MFSD6: variants seen among roughly 807,000 people sequenced by gnomAD.
MFSD6 encodes the protein major facilitator superfamily domain-containing protein 6.
A neutral mutation model predicts 56.3 loss-of-function variants in MFSD6; 26 were observed. The observed-to-expected ratio is 0.46, with a 90% CI of 0.34 to 0.64. The LOEUF is 0.64. Ranked by LOEUF, MFSD6 falls within the 30% of genes least tolerant of loss-of-function variation. MFSD6 has a pLI of 0.01. For synonymous variants in MFSD6, 331 were observed against 366.9 expected (o/e 0.90, Z 1.12); for missense variants, 750 against 986.2 (o/e 0.76, Z 3.21).
chr2:190,412,662 G>A lies in MFSD6; in HGVS notation c.-175-2630G>A. On this transcript the variant is annotated intron_variant, in intron 1 of 7. Coordinates refer to ENST00000392328, the MANE Select transcript of MFSD6 (RefSeq NM_017694.4). This position sits in a 1 kb window ranked among gnomAD's most constrained non-coding sequence, Gnocchi z 4.1. ...TCCTTTGAGTTTATAATTCCTCCAT[G>A]TTTAATTATCCAACATTAGCTGTCT... 1.0e-6 allele frequency: 1 copy of A among 961,068 alleles called. No individual in the cohort carries two copies. The highest frequency in any genetic ancestry group is 1.8e-5 in the African/African-American group (1 of 56,752). 59.5% of individuals were successfully genotyped at this position (961,068 alleles called of 1,614,324 possible). A position where few individuals can be genotyped will look rare whatever the true frequency, so the allele number is the denominator to read the frequency against.
intron 4 of MFSD6, among the ~76,000 whole-genome samples, chr2:190,475,957 A>G (rs1044610882): frequency 1.4e-4 from 21 of 152,126 alleles, no homozygotes; most frequent in African/African-American, 4.3e-4. Context: ...AACAAGAAAT[A>G]GGGAAAGGAT....
chr2:190,497,744 A>T lies in MFSD6; in HGVS notation c.2172+25A>T, dbSNP rs746497995. ...GGTACAGTTCCTTTGCTGGGCTAGC[A>T]ATATTACCTGTCACTCAAGATACCT... On this transcript the variant is annotated intron_variant, in intron 7 of 7. Coordinates refer to ENST00000392328, the MANE Select transcript of MFSD6 (RefSeq NM_017694.4). This position sits in a 1 kb window ranked among gnomAD's most constrained non-coding sequence, Gnocchi z 5.2. 2.5e-6 allele frequency: 4 copies of T among 1,595,442 alleles called. No homozygotes were observed. The highest frequency in any genetic ancestry group is 2.2e-5 in the South Asian group (2 of 89,614).
At position 190,436,911 on chromosome 2, in the gene MFSD6, T is replaced by C. The variant is rs761435020; in HGVS notation, c.882T>C (p.Val294=). The change falls in exon 3 of 8, where the codon GTT becomes GTC. Residue 294 remains valine, a synonymous_variant. Coordinates refer to ENST00000392328, the MANE Select transcript of MFSD6 (RefSeq NM_017694.4). The surrounding 1 kb of genome is among the most constrained non-coding windows in gnomAD (Gnocchi z 5.3). ...VEAIFLVILV[V]VIIGEFFSAS... is the part of the protein sequence containing the mutation. ...CTATATTCTTGGTGATCTTGGTAGT[T>C]GTCATAATAGGAGAATTTTTCAGTG... 180 of 1,614,090 alleles carry C rather than the reference T, an allele frequency of 1.1e-4. 1 individual carries two copies. In the South Asian group the frequency reaches 1.7e-3, roughly 16 times the overall value.
chr2:190,471,208 GGGTTCA>G lies in MFSD6; in HGVS notation c.1630+1354_1630+1359del, dbSNP rs1687904015. On this transcript the variant is annotated intron_variant, in intron 4 of 7. Coordinates refer to ENST00000392328, the MANE Select transcript of MFSD6 (RefSeq NM_017694.4). The surrounding 1 kb of genome is among the most constrained non-coding windows in gnomAD (Gnocchi z 4.7). Reference sequence around the variant, plus strand: ...TTTCTGCATTTCCAACTGAGGTACCGGGTTCATCTCACTGGGGATTGTCAGGCAGTG... The same window carrying G: ...TTTCTGCATTTCCAACTGAGGTACCGTCTCACTGGGGATTGTCAGGCAGTG... Among the ~76,000 whole-genome samples the G allele has an allele frequency of 6.6e-6, 1 of 151,948 alleles. No individual in the cohort carries two copies. Among genetic ancestry groups the G allele is most frequent in the Non-Finnish European group, 1.5e-5 (1 of 67,982 alleles).
At chr2:190,481,591 C>G (rs547770947) in intron 4 of MFSD6, among the ~76,000 whole-genome samples, 4 of 152,308 alleles carry the variant, frequency 2.6e-5, no homozygotes, top group Middle Eastern at 6.8e-3. Flanking sequence ...AATCCTGCCC[C>G]CTTTCACCTG....
chr2:190,435,464 C>T (rs1326786010), intron 2 of MFSD6: 1 of 153,252 alleles, frequency 6.5e-6, no homozygotes, highest in Non-Finnish European at 1.5e-5. Flanking sequence ...CCAGTGAGCA[C>T]TATAGTTGCA....
Position 190,500,536 on chromosome 2 carries a change from C to A in MFSD6, c.*318C>A. 3.4e-6 allele frequency: 1 copy of A among 294,040 alleles called. No homozygotes were observed. The highest frequency in any genetic ancestry group is 6.3e-5 in the South Asian group (1 of 15,882). 18.2% of individuals were successfully genotyped at this position (294,040 alleles called of 1,614,324 possible). A position where few individuals can be genotyped will look rare whatever the true frequency, so the allele number is the denominator to read the frequency against. On this transcript the variant is annotated 3_prime_UTR_variant, in exon 8 of 8. Coordinates refer to ENST00000392328, the MANE Select transcript of MFSD6 (RefSeq NM_017694.4). The surrounding 1 kb of genome is among the most constrained non-coding windows in gnomAD (Gnocchi z 5.3). ...CAGTAAGAGTTGAAACCGGCAGTTA[C>A]ACTAAGTAAGTGGAGGGAATGAAAG...
chr2:190,417,498 G>A lies in MFSD6; in HGVS notation c.-54+2085G>A, dbSNP rs1690827493. ...GCCTCTGGGTGTCATGACAGGGACTGTGTGGCCTCCAGCATGTGTCCTACC... is the reference window on the plus strand; with the variant it reads ...GCCTCTGGGTGTCATGACAGGGACTATGTGGCCTCCAGCATGTGTCCTACC... On this transcript the variant is annotated intron_variant, in intron 2 of 7. Transcript: ENST00000392328. The surrounding 1 kb of genome is among the most constrained non-coding windows in gnomAD (Gnocchi z 5.7). Among the ~76,000 whole-genome samples the A allele has an allele frequency of 6.6e-6, 1 of 152,196 alleles. No homozygotes were observed. Among genetic ancestry groups the A allele is most frequent in the Non-Finnish European group, 1.5e-5 (1 of 68,028 alleles).
At position 190,431,600 on chromosome 2, in the gene MFSD6, C is replaced by A. The variant is rs535369712; in HGVS notation, c.-53-4377C>A. Among the ~76,000 whole-genome samples, 1 of 152,154 alleles carries A rather than the reference C, an allele frequency of 6.6e-6. No individual in the cohort carries two copies. Among genetic ancestry groups the A allele is most frequent in the East Asian group, 1.9e-4 (1 of 5,180 alleles). On this transcript the variant is annotated intron_variant, in intron 2 of 7. Coordinates refer to ENST00000392328, the MANE Select transcript of MFSD6 (RefSeq NM_017694.4). This position sits in a 1 kb window ranked among gnomAD's most constrained non-coding sequence, Gnocchi z 4.4. The stretch of plus-strand genomic sequence containing the variant: ...CGCGCCTGCAATCGCAGGCACTTGG[C>A]AGGCTGAGGCAGGGGAATCAGGCAG...
chr2:190,489,970 T>G lies in MFSD6; in HGVS notation c.1891+104T>G. 1.1e-6 allele frequency: 1 copy of G among 921,268 alleles called. No homozygotes were observed. Among genetic ancestry groups the G allele is most frequent in the Non-Finnish European group, 1.6e-6 (1 of 629,842 alleles). The allele number at this position is 921,268 out of a possible 1,614,324, so 57.1% of individuals were successfully genotyped here. On this transcript the variant is annotated intron_variant, in intron 6 of 7. Transcript: ENST00000392328. This position sits in a 1 kb window ranked among gnomAD's most constrained non-coding sequence, Gnocchi z 6.6. ...AGTGGTACAGAGTATACAACAGGTC[T>G]GTTTGGCTCAATTTTCTGAGTGGCG...
chr2:190,457,845 A>G lies in MFSD6; in HGVS notation c.1533-11913A>G, dbSNP rs1299106549. On this transcript the variant is annotated intron_variant, in intron 3 of 7. Coordinates refer to ENST00000392328, the MANE Select transcript of MFSD6 (RefSeq NM_017694.4). This position sits in a 1 kb window ranked among gnomAD's most constrained non-coding sequence, Gnocchi z 5.1. ...GCCACCACCTTGGCCAGCGTGCAGC[A>G]TATGCCCCGCCATGCTGCCCATTTT... 1.3e-5 allele frequency among the ~76,000 whole-genome samples: 2 copies of G among 152,240 alleles called. No homozygotes were observed. The highest frequency in any genetic ancestry group is 1.3e-4 in the Admixed American group (2 of 15,284).
intron 4 of MFSD6, among the ~76,000 whole-genome samples, chr2:190,476,112 G>C (rs1437868305): frequency 6.6e-6 from 1 of 152,216 alleles, no homozygotes; most frequent in Non-Finnish European, 1.5e-5. Flanking sequence ...AAAAACCCTA[G>C]AAGAAAACCT....
chr2:190,500,039 T>A lies in MFSD6; in HGVS notation c.2197T>A (p.Ser733Thr). The A allele has an allele frequency of 6.2e-7, 1 of 1,614,140 alleles. No homozygotes were observed. The highest frequency in any genetic ancestry group is 1.1e-5 in the South Asian group (1 of 91,084). ...GGGGACCAATGAGAATAGGGAAAAT[T>A]CTCCTGCTGGTAGAGCCCAGCCTGT... Reference protein sequence around the residue: ...LQGTNENRENSPAGRAQPVPC... With the variant: ...LQGTNENRENTPAGRAQPVPC... Residue 733 changes from serine (S) to threonine (T), a missense_variant, in exon 8 of 8, where the codon TCT (serine) becomes ACT (threonine). Around this residue, in one of 5 missense-constraint regions of MFSD6, gnomAD observed 172 missense variants for 203.9 expected, o/e 0.84. Coordinates refer to ENST00000392328, the MANE Select transcript of MFSD6 (RefSeq NM_017694.4). The surrounding 1 kb of genome is among the most constrained non-coding windows in gnomAD (Gnocchi z 5.3).
intron 3 of MFSD6, among the ~76,000 whole-genome samples, chr2:190,449,067 A>G (rs898775746): frequency 6.6e-6 from 1 of 152,254 alleles, no homozygotes; most frequent in African/African-American, 2.4e-5. Context: ...TTGTCTGTCT[A>G]TATTTTGCCC....
At position 190,437,624 on chromosome 2, in the gene MFSD6, G is replaced by T. The variant is rs570607591; in HGVS notation, c.1532+63G>T. The T allele has an allele frequency of 1.2e-5, 19 of 1,521,006 alleles. No homozygotes were observed. In the African/African-American group the frequency reaches 2.4e-4, roughly 19 times the overall value. The allele number at this position is 1,521,006 out of a possible 1,614,324, so 94.2% of individuals were successfully genotyped here. ...GAACTTTATCTTTTTATGGTTTATA[G>T]CTCCTTCTACTACAATTTTAAGGTA... On this transcript the variant is annotated intron_variant, in intron 3 of 7. Transcript: ENST00000392328. The surrounding 1 kb of genome is among the most constrained non-coding windows in gnomAD (Gnocchi z 5.9).
chr2:190,434,382 T>A lies in MFSD6; in HGVS notation c.-53-1595T>A, dbSNP rs1165471232. Among the ~76,000 whole-genome samples the A allele has an allele frequency of 6.6e-6, 1 of 152,144 alleles. No homozygotes were observed. Among genetic ancestry groups the A allele is most frequent in the African/African-American group, 2.4e-5 (1 of 41,432 alleles). On this transcript the variant is annotated intron_variant, in intron 2 of 7. Transcript: ENST00000392328. The surrounding 1 kb of genome is among the most constrained non-coding windows in gnomAD (Gnocchi z 4.3). ...GGATGCTGGCACAGTTCCTATAAAT[T>A]TATATAAATGTATATTGCTAATATC... is the stretch of plus-strand genomic sequence containing the variant.
At position 190,431,453 on chromosome 2, in the gene MFSD6, G is replaced by A. The variant is rs374784080; in HGVS notation, c.-53-4524G>A. 4.1e-4 allele frequency among the ~76,000 whole-genome samples: 63 copies of A among 152,358 alleles called. No individual in the cohort carries two copies. In the East Asian group the frequency reaches 0.01, roughly 24 times the overall value. On this transcript the variant is annotated intron_variant, in intron 2 of 7. Coordinates refer to ENST00000392328, the MANE Select transcript of MFSD6 (RefSeq NM_017694.4). The surrounding 1 kb of genome is among the most constrained non-coding windows in gnomAD (Gnocchi z 4.4). ...TGAACGAGACTCCGTCTGCAATCCC[G>A]GCACCTCTGGAGGCCGAGGCTGGCG...
At chr2:190,480,363 C>T (rs1457647891) in intron 4 of MFSD6, among the ~76,000 whole-genome samples, 7 of 148,890 alleles carry the variant, frequency 4.7e-5, no homozygotes, top group Admixed American at 3.5e-4. Flanking sequence ...ATTTTTCAGC[C>T]CCCTGTATCA....
At position 190,425,070 on chromosome 2, in the gene MFSD6, A is replaced by C. The variant is rs1345973096; in HGVS notation, c.-54+9657A>C. Among the ~76,000 whole-genome samples, 1 of 152,134 alleles carries C rather than the reference A, an allele frequency of 6.6e-6. No individual in the cohort carries two copies. Among genetic ancestry groups the C allele is most frequent in the Non-Finnish European group, 1.5e-5 (1 of 68,016 alleles). On this transcript the variant is annotated intron_variant, in intron 2 of 7. Transcript: ENST00000392328. This position sits in a 1 kb window ranked among gnomAD's most constrained non-coding sequence, Gnocchi z 4.3. ...GTTTTCAGCATAAGGCCTTGTACAC[A>C]TTTTTTAAATTTATACCCAAGTGTT...
Sources: allele counts gnomAD v4.1 joint callset (sites outside exome capture counted in the v4.1 genomes callset), GRCh38; gene constraint gnomAD v4.1.1; regional missense constraint gnomAD v4.1.1; non-coding constraint Gnocchi (gnomAD v3.1); transcripts MANE v1.5; gene names NCBI Gene and HGNC (gene_info 2026-07-23, HGNC 2026-07-21).